The following CNTN5 variants were observed in gnomAD, a reference collection of about 807,000 sequenced individuals.
The protein encoded by CNTN5 is contactin 5.
A neutral mutation model predicts 129.1 loss-of-function variants in CNTN5; 77 were observed. The ratio of observed to expected loss-of-function variants is 0.60; its 90% CI spans 0.50 to 0.72. The LOEUF (loss-of-function observed/expected upper bound fraction) is 0.72. Among genes scored for constraint, CNTN5 ranks in the 30% least tolerant of loss-of-function variants. The pLI is 0.00. For missense variants in CNTN5, 1,478 were observed against 1,328.8 expected, an observed-to-expected ratio of 1.11 and a Z score of -1.75; for synonymous variants, 509 against 465.6, an observed-to-expected ratio of 1.09 and a Z score of -1.20.
At position 99,084,886 on chromosome 11, in the gene CNTN5, G is replaced by A. The variant is rs548132047; in HGVS notation, c.-210+63616G>A. Among the ~76,000 whole-genome samples the A allele has an allele frequency of 2.2e-3, 332 of 152,008 alleles. 1 individual carries two copies. Among genetic ancestry groups the A allele is most frequent in the African/African-American group, 7.5e-3 (311 of 41,456 alleles). ...AATTAAGTATCCAAATTTTGATCAC[G>A]GCAGAACTTCATGTTTTCTAAGATA... On this transcript the variant is annotated intron_variant, in intron 1 of 24. Coordinates refer to ENST00000524871, the MANE Select transcript of CNTN5 (RefSeq NM_014361.4).
chr11:100,010,747 G>T (rs1224278091), intron 9 of CNTN5, among the ~76,000 whole-genome samples: 1 of 152,064 alleles, frequency 6.6e-6, no homozygotes, highest in Non-Finnish European at 1.5e-5. Context: ...TTAATCAACT[G>T]CACCCCTTAC....
intron 21 of CNTN5, among the ~76,000 whole-genome samples, chr11:100,327,048 G>T (rs547936401): frequency 7.2e-5 from 11 of 152,300 alleles, no homozygotes; most frequent in African/African-American, 2.2e-4. Flanking sequence ...AAGTGCAAAA[G>T]GAAGCCTTTT....
chr11:99,478,061 T>C (rs1253995125), intron 2 of CNTN5, among the ~76,000 whole-genome samples: 2 of 152,126 alleles, frequency 1.3e-5, no homozygotes, highest in Non-Finnish European at 2.9e-5. Flanking sequence ...AAATATCTTT[T>C]CTTTATTTAT....
intron 9 of CNTN5, among the ~76,000 whole-genome samples, chr11:100,056,156 G>A (rs1943212324): frequency 6.6e-6 from 1 of 151,050 alleles, no homozygotes; most frequent in South Asian, 2.1e-4. Context: ...TACTTTTATT[G>A]TCATATCTTC....
At chr11:100,289,645 C>G (rs1385554882) in intron 18 of CNTN5, among the ~76,000 whole-genome samples, 1 of 151,790 alleles carries the variant, frequency 6.6e-6, no homozygotes, top group East Asian at 1.9e-4. Context: ...AAACCCACAG[C>G]CAATATCATA....
intron 6 of CNTN5, among the ~76,000 whole-genome samples, chr11:99,904,851 G>A (rs1174997247): frequency 6.6e-6 from 1 of 152,110 alleles, no homozygotes; most frequent in Admixed American, 6.5e-5. Flanking sequence ...GCATGAGATG[G>A]TATCTCTTTG....
At chr11:99,047,338 T>C (rs1373828647) in intron 1 of CNTN5, among the ~76,000 whole-genome samples, 2 of 150,896 alleles carry the variant, frequency 1.3e-5, no homozygotes, top group Admixed American at 6.6e-5. Flanking sequence ...ATTATCAGTA[T>C]TGAGAAATGG....
intron 2 of CNTN5, among the ~76,000 whole-genome samples, chr11:99,510,996 ACTGATGATC>A (rs1176763983): frequency 6.6e-6 from 1 of 152,162 alleles, no homozygotes; most frequent in Non-Finnish European, 1.5e-5. Flanking sequence ...AGACAGTGAT[ACTGATGATC>A]CTGACCCTTT....
At chr11:99,333,128 A>G (rs953877370) in intron 2 of CNTN5, among the ~76,000 whole-genome samples, 8 of 152,026 alleles carry the variant, frequency 5.3e-5, no homozygotes, top group Non-Finnish European at 8.8e-5. Flanking sequence ...TTCTATTACC[A>G]TGATTGCAAA....
At chr11:99,885,145 G>T (rs2135876860) in intron 6 of CNTN5, among the ~76,000 whole-genome samples, 1 of 152,210 alleles carries the variant, frequency 6.6e-6, no homozygotes, top group East Asian at 1.9e-4. Context: ...AGCAGGGCAT[G>T]GTGGCATGTG....
intron 12 of CNTN5, among the ~76,000 whole-genome samples, chr11:100,072,291 T>C (rs1943951328): frequency 6.6e-6 from 1 of 152,138 alleles, no homozygotes; most frequent in Non-Finnish European, 1.5e-5. Flanking sequence ...CACTCTCTCC[T>C]CATGGGGCAT....
intron 10 of CNTN5, among the ~76,000 whole-genome samples, chr11:100,067,207 A>G (rs1284596958): frequency 6.6e-6 from 1 of 152,056 alleles, no homozygotes; most frequent in Non-Finnish European, 1.5e-5. Flanking sequence ...ATGTTAATTA[A>G]TGTTTATTCA....
At chr11:100,028,562 T>C (rs1941543449) in intron 9 of CNTN5, among the ~76,000 whole-genome samples, 1 of 152,184 alleles carries the variant, frequency 6.6e-6, no homozygotes, top group Non-Finnish European at 1.5e-5. Context: ...CCTCTAACAT[T>C]CTCCTTCTTT....
intron 1 of CNTN5, among the ~76,000 whole-genome samples, chr11:99,202,204 AG>A (rs1380958730): frequency 2.0e-5 from 3 of 152,350 alleles, no homozygotes; most frequent in African/African-American, 7.2e-5. Context: ...CTCATCTAAA[AG>A]TTTTTCTGAA....
chr11:100,005,631 T>C (rs1940144042), intron 9 of CNTN5, among the ~76,000 whole-genome samples: 1 of 152,206 alleles, frequency 6.6e-6, no homozygotes, highest in Admixed American at 6.5e-5. Flanking sequence ...AAGTTGTACT[T>C]ACTGTTTAAC....
intron 7 of CNTN5, among the ~76,000 whole-genome samples, chr11:99,942,087 G>A (rs1421065438): frequency 6.6e-6 from 1 of 151,958 alleles, no homozygotes; most frequent in African/African-American, 2.4e-5. Flanking sequence ...GCAATTTGGG[G>A]CAACTCAAGA....
At chr11:99,124,278 CT>C (rs1316229690) in intron 1 of CNTN5, among the ~76,000 whole-genome samples, 1 of 151,914 alleles carries the variant, frequency 6.6e-6, no homozygotes, top group African/African-American at 2.4e-5. Context: ...GCATTTTATT[CT>C]TTTTGTGGCA....
intron 21 of CNTN5, among the ~76,000 whole-genome samples, chr11:100,317,504 C>T (rs1319690487): frequency 1.3e-5 from 2 of 151,976 alleles, no homozygotes; most frequent in African/African-American, 4.8e-5. Flanking sequence ...AATAAAATGC[C>T]AATTTTATCC....
chr11:99,385,293 T>C (rs1189612027), intron 2 of CNTN5, among the ~76,000 whole-genome samples: 1 of 152,118 alleles, frequency 6.6e-6, no homozygotes, highest in African/African-American at 2.4e-5. Flanking sequence ...CATCAACGTC[T>C]TCTCAACCCC....
Sources: gnomAD v4.1 joint callset for allele counts (sites outside exome capture counted in the v4.1 genomes callset) on GRCh38, gnomAD v4.1.1 for gene constraint, MANE v1.5 for transcripts, NCBI Gene and HGNC (gene_info 2026-07-23, HGNC 2026-07-21) for gene names.